BANF2: variants seen among roughly 807,000 people sequenced by gnomAD.
BANF2 encodes BANF family member 2.
Under a neutral mutation model 8.0 loss-of-function variants are expected in BANF2, and 4 were observed. That is an observed-to-expected ratio of 0.50 (90% confidence interval 0.25 to 1.14). The LOEUF is 1.14. Ranked by LOEUF, BANF2 falls within the 50% of genes most tolerant of loss-of-function variation. The pLI, the probability that BANF2 is intolerant of heterozygous loss-of-function variation, is 0.16. For missense variants in BANF2, 96 were observed against 107.5 expected, an observed-to-expected ratio of 0.89 and a Z score of 0.47; for synonymous variants, 50 against 40.6, an observed-to-expected ratio of 1.23 and a Z score of -0.88.
intron 3 of BANF2, among the ~76,000 whole-genome samples, chr20:17,733,880 T>C (rs6044981): frequency 0.29 from 44,586 of 152,110 alleles, 6,697 homozygotes; most frequent in East Asian, 0.47. Flanking sequence ...TTAAAAAGTA[T>C]GCTCTCTTTG....
Position 17,722,891 on chromosome 20 carries a change from A to G in BANF2, c.-4+13A>G. 1 of 983,660 alleles carries G rather than the reference A, an allele frequency of 1.0e-6. No homozygotes were observed. Among genetic ancestry groups the G allele is most frequent in the African/African-American group, 1.7e-5 (1 of 57,284 alleles). 60.9% of individuals were successfully genotyped at this position (983,660 alleles called of 1,614,324 possible). A position where few individuals can be genotyped will look rare whatever the true frequency, so the allele number is the denominator to read the frequency against. On this transcript the variant is annotated intron_variant, in intron 2 of 3. Transcript: ENST00000246090. ...ACTCTGTAGAAAGGTCTGGAGGAGG[A>G]TGGGGACAGGAGAGGGGATGGGGCT...
chr20:17,732,076 GA>G (rs1377756801), intron 3 of BANF2, among the ~76,000 whole-genome samples: 1 of 149,124 alleles, frequency 6.7e-6, no homozygotes, highest in Admixed American at 6.7e-5. Context: ...AAAAAAAAAA[GA>G]AAAAAAGGAA....
In BANF2 at chr20:17,700,023, T is replaced by G. The variant is rs1600209624; in HGVS notation, c.-199T>G. 1.0e-6 allele frequency: 1 copy of G among 985,196 alleles called. No individual in the cohort carries two copies. Among genetic ancestry groups the G allele is most frequent in the Non-Finnish European group, 1.2e-6 (1 of 829,720 alleles). The allele number at this position is 985,196 out of a possible 1,614,324, so 61.0% of individuals were successfully genotyped here. The stretch of plus-strand genomic sequence containing the variant: ...CAGATCCAAGGTGACTGAGACAAAC[T>G]GCCAGCTGCCACTGGCTTATCAGGA... On this transcript the variant is annotated 5_prime_UTR_variant, in exon 1 of 4. Transcript: ENST00000246090.
chr20:17,698,200 C>T (rs569846198), upstream of BANF2, among the ~76,000 whole-genome samples: 65 of 150,446 alleles, frequency 4.3e-4, no homozygotes, highest in Admixed American at 6.7e-4. Flanking sequence ...AAGAGTGAGA[C>T]TCCATCTCAA....
rs924740417 is a variant in BANF2, at chr20:17,712,476, G to A, written c.-166-10240G>A. ...GTCCCATGCACCATTCCCACAGCCCGACAACCTTCCTGACTCTACCCACTG... is the reference window on the plus strand; with the variant it reads ...GTCCCATGCACCATTCCCACAGCCCAACAACCTTCCTGACTCTACCCACTG... On this transcript the variant is annotated intron_variant, in intron 1 of 3. Transcript: ENST00000246090. The A allele has an allele frequency of 3.0e-5, 29 of 962,598 alleles. No homozygotes were observed. In the Admixed American group the frequency reaches 1.4e-3, roughly 47 times the overall value. The allele number at this position is 962,598 out of a possible 1,614,324, so 59.6% of individuals were successfully genotyped here. A position where few individuals can be genotyped will look rare whatever the true frequency, so the allele number is the denominator to read the frequency against.
At chr20:17,694,603 T>C (rs112867862) in intron 1 of BANF2, among the ~76,000 whole-genome samples, 136 of 13,724 alleles carry the variant, frequency 9.9e-3, no homozygotes, top group Admixed American at 0.019. Flanking sequence ...TTCTCTCTCT[T>C]TTTTTTTTTT....
chr20:17,706,700 C>T (rs964377625), intron 1 of BANF2, among the ~76,000 whole-genome samples: 1 of 152,204 alleles, frequency 6.6e-6, no homozygotes, highest in Non-Finnish European at 1.5e-5. Context: ...AAACACAAAT[C>T]CAGCCAGGTG....
At position 17,724,899 on chromosome 20, in the gene BANF2, TGGAA is replaced by T; in HGVS notation, c.-3-119_-3-116del. ...GTAGACCCCGGGAAATGCTGGATGATGGAAGGAATTCTGCCATCTGTTGCCCCAG... is the reference window on the plus strand; with the variant it reads ...GTAGACCCCGGGAAATGCTGGATGATGGAATTCTGCCATCTGTTGCCCCAG... On this transcript the variant is annotated intron_variant, in intron 2 of 3. Coordinates refer to ENST00000246090, the MANE Select transcript of BANF2 (RefSeq NM_178477.5). The T allele has an allele frequency of 2.0e-6, 2 of 1,009,350 alleles. 1 individual carries two copies. The highest frequency in any genetic ancestry group is 5.1e-5 in the East Asian group (2 of 39,374). 62.5% of individuals were successfully genotyped at this position (1,009,350 alleles called of 1,614,324 possible). A position where few individuals can be genotyped will look rare whatever the true frequency, so the allele number is the denominator to read the frequency against.
chr20:17,726,246 TG>T, intron 3 of BANF2, among the ~76,000 whole-genome samples: 3 of 152,304 alleles, frequency 2.0e-5, no homozygotes, highest in Admixed American at 2.0e-4. Flanking sequence ...AGTGCAGTGA[TG>T]CCATCTCGGC....
chr20:17,702,433 C>A (rs957256798), intron 1 of BANF2, among the ~76,000 whole-genome samples: 1 of 152,210 alleles, frequency 6.6e-6, no homozygotes, highest in Non-Finnish European at 1.5e-5. Flanking sequence ...AATTGTGGCA[C>A]TCTCCCTTCT....
intron 3 of BANF2, among the ~76,000 whole-genome samples, chr20:17,726,624 T>C (rs2037813138): frequency 6.6e-6 from 1 of 152,226 alleles, no homozygotes; most frequent in Non-Finnish European, 1.5e-5. Flanking sequence ...TACACCTATG[T>C]ACCCACTACC....
upstream of BANF2, among the ~76,000 whole-genome samples, chr20:17,698,610 C>G (rs1314170516): frequency 1.3e-5 from 2 of 152,192 alleles, no homozygotes; most frequent in African/African-American, 4.8e-5. Context: ...CTGCAACTTG[C>G]AGCTGCCCGC....
intron 1 of BANF2, among the ~76,000 whole-genome samples, chr20:17,709,409 C>T (rs1302486499): frequency 6.6e-6 from 1 of 152,152 alleles, no homozygotes. Context: ...AAAATTAAAT[C>T]TTGGGCGAGG....
At chr20:17,720,227 T>G (rs979208143) in intron 1 of BANF2, among the ~76,000 whole-genome samples, 2 of 152,256 alleles carry the variant, frequency 1.3e-5, no homozygotes, top group Non-Finnish European at 2.9e-5. Flanking sequence ...GCAATTTCAC[T>G]TCTGGGTATG....
At chr20:17,727,124 A>G (rs1208527080) in intron 3 of BANF2, among the ~76,000 whole-genome samples, 1 of 152,168 alleles carries the variant, frequency 6.6e-6, no homozygotes. Flanking sequence ...ATGAATGAAT[A>G]ATGGAAAAAT....
chr20:17,731,927 G>A (rs950377473), intron 3 of BANF2, among the ~76,000 whole-genome samples: 3 of 151,686 alleles, frequency 2.0e-5, no homozygotes, highest in Admixed American at 6.6e-5. Flanking sequence ...TTATCCAAGC[G>A]TGGTGGCACG....
chr20:17,716,492 C>A (rs922249239), intron 1 of BANF2, among the ~76,000 whole-genome samples: 2 of 152,094 alleles, frequency 1.3e-5, no homozygotes, highest in Non-Finnish European at 2.9e-5. Context: ...TGCCACCATG[C>A]CTGGCTAATT....
intron 3 of BANF2, among the ~76,000 whole-genome samples, chr20:17,733,610 A>G (rs2037933651): frequency 6.6e-6 from 1 of 152,166 alleles, no homozygotes; most frequent in African/African-American, 2.4e-5. Context: ...AATAAATGTT[A>G]TTTTTCAAAA....
upstream of BANF2, among the ~76,000 whole-genome samples, chr20:17,695,685 G>A (rs987237184): frequency 4.6e-5 from 7 of 151,994 alleles, no homozygotes; most frequent in East Asian, 5.8e-4. Flanking sequence ...CTTTATTGAG[G>A]TGTAATTTAC....
Sources: allele counts gnomAD v4.1 joint callset (sites outside exome capture counted in the v4.1 genomes callset), GRCh38; gene constraint gnomAD v4.1.1; transcripts MANE v1.5; gene names NCBI Gene and HGNC (gene_info 2026-07-23, HGNC 2026-07-21).